The following ELP4 variants were observed in gnomAD, a reference collection of about 807,000 sequenced individuals.
ELP4 encodes the protein elongator complex protein 4.
ELP4 carries 51 observed loss-of-function variants against 48.9 expected under a neutral mutation model. The observed-to-expected ratio is 1.04, with a 90% CI of 0.83 to 1.32. ELP4 has a LOEUF of 1.32. Ranked by LOEUF, ELP4 falls within the 40% of genes most tolerant of loss-of-function variation. ELP4 has a pLI of 0.00. For synonymous variants in ELP4, 210 were observed against 189.2 expected, an observed-to-expected ratio of 1.11 and a Z score of -0.90; for missense variants, 519 against 514.6, an observed-to-expected ratio of 1.01 and a Z score of -0.08.
intron 9 of ELP4, among the ~76,000 whole-genome samples, chr11:31,672,569 A>G (rs879635236): frequency 4.6e-5 from 7 of 152,184 alleles, no homozygotes; most frequent in South Asian, 2.1e-4. Flanking sequence ...GCGTGGGCGG[A>G]TGACTTGAGC....
chr11:31,542,012 G>A (rs1171095320), intron 3 of ELP4, among the ~76,000 whole-genome samples: 1 of 152,190 alleles, frequency 6.6e-6, no homozygotes, highest in Non-Finnish European at 1.5e-5. Flanking sequence ...AGCTGCACAT[G>A]TCTGACCAAG....
chr11:31,776,490 C>A (rs774897025), intron 9 of ELP4, among the ~76,000 whole-genome samples: 19 of 152,168 alleles, frequency 1.2e-4, no homozygotes, highest in Non-Finnish European at 2.2e-4. Flanking sequence ...TTTAGAAATT[C>A]TTGTACTCTC....
At chr11:31,664,747 T>TA (rs934184906) in intron 9 of ELP4, among the ~76,000 whole-genome samples, 23 of 152,098 alleles carry the variant, frequency 1.5e-4, no homozygotes, top group African/African-American at 5.3e-4. Flanking sequence ...AACAAATTTT[T>TA]AAAAAACATT....
Position 31,548,876 on chromosome 11 carries a change from G to A in ELP4, c.381+9093G>A, listed in dbSNP as rs1956784643. Among the ~76,000 whole-genome samples, 4 of 152,198 alleles carry A rather than the reference G, an allele frequency of 2.6e-5. No homozygotes were observed. In the South Asian group the frequency reaches 8.3e-4, roughly 32 times the overall value. On this transcript the variant is annotated intron_variant, in intron 3 of 9. Transcript: ENST00000640961. The stretch of plus-strand genomic sequence containing the variant: ...TCTTTGACAAACCTGAGAAAAGCAA[G>A]CAATGGGGAAAGGATTTCCTATTTA...
At chr11:31,718,762 T>A (rs959512468) in intron 9 of ELP4, among the ~76,000 whole-genome samples, 1 of 152,228 alleles carries the variant, frequency 6.6e-6, no homozygotes, top group Non-Finnish European at 1.5e-5. Context: ...AAAGCTAGTG[T>A]CATAGTAAAC....
At chr11:31,723,115 A>G (rs1037258783) in intron 9 of ELP4, among the ~76,000 whole-genome samples, 1 of 152,162 alleles carries the variant, frequency 6.6e-6, no homozygotes, top group Non-Finnish European at 1.5e-5. Context: ...AACTGTCTCC[A>G]TGTCCCATCT....
chr11:31,738,934 C>T (rs1392178738), intron 9 of ELP4, among the ~76,000 whole-genome samples: 5 of 152,082 alleles, frequency 3.3e-5, no homozygotes, highest in Admixed American at 2.0e-4. Flanking sequence ...GAAAATGAGG[C>T]GTTGCTGTTC....
intron 9 of ELP4, among the ~76,000 whole-genome samples, chr11:31,686,328 GTT>G (rs376488709): frequency 8.2e-6 from 1 of 122,510 alleles, no homozygotes. Flanking sequence ...TTGTGGGTTG[GTT>G]TTTTTTTTTT....
At chr11:31,567,702 G>C (rs1252988578) in intron 3 of ELP4, among the ~76,000 whole-genome samples, 2 of 152,144 alleles carry the variant, frequency 1.3e-5, no homozygotes, top group Non-Finnish European at 2.9e-5. Context: ...AATAAAGTGA[G>C]TCACTTTTTT....
chr11:31,741,290 G>GC (rs1479620027), intron 9 of ELP4, among the ~76,000 whole-genome samples: 1 of 152,210 alleles, frequency 6.6e-6, no homozygotes, highest in Non-Finnish European at 1.5e-5. Context: ...AAGGAGGCCT[G>GC]CCTGCCTCTG....
chr11:31,750,341 A>C (rs1947693600), intron 9 of ELP4, among the ~76,000 whole-genome samples: 1 of 152,096 alleles, frequency 6.6e-6, no homozygotes, highest in Admixed American at 6.6e-5. Flanking sequence ...GCTTTTTCTA[A>C]ACTCTGGAGA....
chr11:31,745,183 G>A (rs1240012076), intron 9 of ELP4, among the ~76,000 whole-genome samples: 3 of 152,094 alleles, frequency 2.0e-5, no homozygotes, highest in African/African-American at 7.2e-5. Flanking sequence ...CAACTTACAA[G>A]GGATGTCAAG....
At chr11:31,670,890 T>C (rs1945793156) in intron 9 of ELP4, among the ~76,000 whole-genome samples, 1 of 152,118 alleles carries the variant, frequency 6.6e-6, no homozygotes, top group Non-Finnish European at 1.5e-5. Flanking sequence ...TCCTACTTTT[T>C]ATTTACTGTT....
intron 9 of ELP4, among the ~76,000 whole-genome samples, chr11:31,721,971 T>C (rs1235263028): frequency 6.6e-6 from 1 of 152,160 alleles, no homozygotes; most frequent in African/African-American, 2.4e-5. Context: ...CTTCCTCGCT[T>C]TTATTATGTA....
chr11:31,570,666 G>T (rs1957178770), intron 3 of ELP4, among the ~76,000 whole-genome samples: 1 of 151,600 alleles, frequency 6.6e-6, no homozygotes, highest in Non-Finnish European at 1.5e-5. Context: ...TAGAGATGGG[G>T]TTGCACCATG....
At chr11:31,759,176 C>A (rs989353695) in intron 9 of ELP4, among the ~76,000 whole-genome samples, 1 of 151,986 alleles carries the variant, frequency 6.6e-6, no homozygotes, top group African/African-American at 2.4e-5. Context: ...CTTGGTGTAC[C>A]CACATAATGC....
chr11:31,658,986 T>C (rs916716921), intron 9 of ELP4, among the ~76,000 whole-genome samples: 2 of 152,064 alleles, frequency 1.3e-5, no homozygotes, highest in Non-Finnish European at 2.9e-5. Flanking sequence ...GATTGTAAAA[T>C]GTTTTCCTCT....
chr11:31,597,711 A>G (rs1021792294), intron 4 of ELP4, among the ~76,000 whole-genome samples: 4 of 151,540 alleles, frequency 2.6e-5, no homozygotes, highest in African/African-American at 7.3e-5. Context: ...AGCTGGGACT[A>G]TAGTTGCCCA....
intron 1 of ELP4, among the ~76,000 whole-genome samples, chr11:31,513,293 A>G (rs1956044132): frequency 6.6e-6 from 1 of 152,148 alleles, no homozygotes; most frequent in Non-Finnish European, 1.5e-5. Flanking sequence ...TTTGATTCTC[A>G]TGTTTGTCCA....
Sources: allele counts gnomAD v4.1 joint callset (sites outside exome capture counted in the v4.1 genomes callset), GRCh38; gene constraint gnomAD v4.1.1; transcripts MANE v1.5; gene names NCBI Gene and HGNC (gene_info 2026-07-23, HGNC 2026-07-21).